Variants in TOP2B observed in about 807,000 individuals in gnomAD.
The protein encoded by TOP2B is DNA topoisomerase II beta.
TOP2B carries 51 observed loss-of-function variants against 193.5 expected under a neutral mutation model. The ratio of observed to expected loss-of-function variants is 0.26; its 90% confidence interval spans 0.21 to 0.33. The LOEUF (loss-of-function observed/expected upper bound fraction) is 0.33. Ranked by LOEUF, TOP2B falls within the 10% of genes least tolerant of loss-of-function variation. The pLI is 1.00. For missense variants in TOP2B, 1,378 were observed against 1,909.3 expected, an observed-to-expected ratio of 0.72 and a Z score of 5.19; for synonymous variants, 634 against 635.7, an observed-to-expected ratio of 1.00 and a Z score of 0.04.
chr3:25,650,010 CT>C (rs1210804357), intron 1 of TOP2B, among the ~76,000 whole-genome samples: 1 of 152,148 alleles, frequency 6.6e-6, no homozygotes, highest in Non-Finnish European at 1.5e-5. Flanking sequence ...CCAATGCAGT[CT>C]TTTTACATTA....
intron 4 of TOP2B, among the ~76,000 whole-genome samples, chr3:25,639,175 G>T (rs1440342366): frequency 6.6e-6 from 1 of 152,080 alleles, no homozygotes; most frequent in Non-Finnish European, 1.5e-5. Flanking sequence ...GTTAAAAAAA[G>T]AAATGTCTAC....
rs1167435143 is a variant in TOP2B at position 25,598,139 on chromosome 3, T to TAAAACTGTATGTGTAA, written c.*152_*167dup. 1 of 640,000 alleles carries TAAAACTGTATGTGTAA rather than the reference T, an allele frequency of 1.6e-6. No homozygotes were observed. The highest frequency in any genetic ancestry group is 3.4e-5 in the Admixed American group (1 of 29,558). The allele number at this position is 640,000 out of a possible 1,614,324, so 39.6% of individuals were successfully genotyped here. A position where few individuals can be genotyped will look rare whatever the true frequency, so the allele number is the denominator to read the frequency against. ...ACATTTCAATGAGTAAAAAAGAGCA[T>TAAAACTGTATGTGTAA]AAAACTGTATGTGTAAGAACAAAAT... On this transcript the variant is annotated 3_prime_UTR_variant, in exon 36 of 36. Transcript: ENST00000264331.
chr3:25,636,215 C>A (rs1703101107), intron 6 of TOP2B, 67 bp from the exon 7 acceptor site: 2 of 963,118 alleles, frequency 2.1e-6, no homozygotes, highest in Non-Finnish European at 3.0e-6. Context: ...AAAGACTACA[C>A]TCATTAAATT....
At chr3:25,656,185 GAA>G (rs1703740826) in intron 1 of TOP2B, among the ~76,000 whole-genome samples, 1 of 152,076 alleles carries the variant, frequency 6.6e-6, no homozygotes, top group African/African-American at 2.4e-5. Flanking sequence ...ATTGAGGAAA[GAA>G]AAAGATATAC....
intron 16 of TOP2B, 45 bp downstream of exon 16, chr3:25,627,142 T>G (rs757866727): frequency 7.5e-7 from 1 of 1,337,924 alleles, no homozygotes. Context: ...GAATAGAAGG[T>G]AGGGGGATGG....
Position 25,599,496 on chromosome 3 carries a change from G to A in TOP2B, c.4649C>T (p.Ser1550Phe). Residue 1550 changes from serine to phenylalanine, a missense_variant, in exon 35 of 36, where the codon TCT becomes TTT. Ser to Phe is a radical substitution (Grantham distance 155). Around this residue, in one of 9 missense-constraint regions of TOP2B, gnomAD observed 556 missense variants for 584.2 expected, o/e 0.95. Coordinates refer to ENST00000264331, the MANE Select transcript of TOP2B (RefSeq NM_001330700.2). ...ATAATCGCCTTCATTTTCAGAGCCA[G>A]ATGCTTTCCTTTTCTTTGCCCCTCG... ...KGRGAKKRKA[S>F]GSENEGDYNP... 6.2e-7 allele frequency: 1 copy of A among 1,613,580 alleles called. No homozygotes were observed. The highest frequency in any genetic ancestry group is 8.5e-7 in the Non-Finnish European group (1 of 1,179,660).
intron 28 of TOP2B, among the ~76,000 whole-genome samples, chr3:25,610,242 G>A (rs1702335025): frequency 1.3e-5 from 2 of 151,782 alleles, no homozygotes; most frequent in South Asian, 4.1e-4. Flanking sequence ...GTCTTGCACT[G>A]CTAGGCACTG....
intron 7 of TOP2B, 56 bp from the exon 8 acceptor site, chr3:25,634,070 G>T (rs1177591082): frequency 9.1e-6 from 12 of 1,319,446 alleles, no homozygotes; most frequent in African/African-American, 3.0e-5. Flanking sequence ...GCTCAAATAG[G>T]TGAATCACCT....
chr3:25,637,719 C>T (rs1226922073), intron 5 of TOP2B, among the ~76,000 whole-genome samples: 1 of 151,922 alleles, frequency 6.6e-6, no homozygotes, highest in Non-Finnish European at 1.5e-5. Flanking sequence ...AAAAACCTAT[C>T]AACCTATTTG....
intron 15 of TOP2B, among the ~76,000 whole-genome samples, chr3:25,627,959 G>A (rs573082604): frequency 1.3e-5 from 2 of 151,772 alleles, no homozygotes; most frequent in South Asian, 4.2e-4. Context: ...TACTTGGGTG[G>A]CTGAAGCATG....
chr3:25,620,101 C>T (rs1478566002), intron 22 of TOP2B, 39 bp from the exon 23 acceptor site: 2 of 1,278,950 alleles, frequency 1.6e-6, no homozygotes, highest in Non-Finnish European at 1.1e-6. Context: ...TTTCATGACA[C>T]ACTCTCATGT....
chr3:25,655,810 T>C (rs987540018), intron 1 of TOP2B, among the ~76,000 whole-genome samples: 2 of 152,186 alleles, frequency 1.3e-5, no homozygotes, highest in African/African-American at 2.4e-5. Context: ...ATTACAATCA[T>C]ATAAAGTATC....
intron 13 of TOP2B, among the ~76,000 whole-genome samples, chr3:25,629,827 C>T (rs1391352085): frequency 6.6e-6 from 1 of 152,106 alleles, no homozygotes; most frequent in African/African-American, 2.4e-5. Context: ...TTATATTCTC[C>T]TTAGTTACCC....
At chr3:25,603,792 C>T (rs1702169866) in intron 33 of TOP2B, among the ~76,000 whole-genome samples, 1 of 152,158 alleles carries the variant, frequency 6.6e-6, no homozygotes, top group East Asian at 1.9e-4. Context: ...AACACACATC[C>T]CACAGTTGGC....
intron 11 of TOP2B, 49 bp from the exon 12 acceptor site, chr3:25,630,518 C>T: frequency 1.4e-6 from 2 of 1,414,146 alleles, no homozygotes; most frequent in Non-Finnish European, 1.9e-6. Flanking sequence ...CATACTTTCA[C>T]TGATGAGAAA....
chr3:25,642,252 G>A lies in TOP2B; in HGVS notation c.395+70C>T, dbSNP rs1023433096. On this transcript the variant is annotated intron_variant, in intron 4 of 35. Coordinates refer to ENST00000264331, the MANE Select transcript of TOP2B (RefSeq NM_001330700.2). ...AGTACTACCCATATACATTATTTGAGGAGTACTCATAAATTGGGGACTATC... is the reference window on the plus strand; with the variant it reads ...AGTACTACCCATATACATTATTTGAAGAGTACTCATAAATTGGGGACTATC... 5.8e-6 allele frequency: 5 copies of A among 860,810 alleles called. No individual in the cohort carries two copies. In the Admixed American group the frequency reaches 7.1e-5, roughly 12 times the overall value. The allele number at this position is 860,810 out of a possible 1,614,324, so 53.3% of individuals were successfully genotyped here.
In TOP2B at chr3:25,632,599, CCAA is replaced by C; in HGVS notation, c.1129-19_1129-17del. ...GGTTTTTTACCTGTTGAAAACATAC[CCAA>C]AAAAGTCAATATCAGAGCTGATATT... On this transcript the variant is annotated splice_polypyrimidine_tract_variant and intron_variant, in intron 9 of 35. Transcript: ENST00000264331. 6.3e-7 allele frequency: 1 copy of C among 1,599,210 alleles called. No individual in the cohort carries two copies. Among genetic ancestry groups the C allele is most frequent in the Non-Finnish European group, 8.5e-7 (1 of 1,175,920 alleles).
At chr3:25,625,258 G>T (rs1294237349) in intron 18 of TOP2B, among the ~76,000 whole-genome samples, 1 of 152,144 alleles carries the variant, frequency 6.6e-6, no homozygotes, top group African/African-American at 2.4e-5. Context: ...AAGAATAAAG[G>T]CTTTAGAATC....
At chr3:25,649,256 A>G (rs2125401440) in intron 1 of TOP2B, among the ~76,000 whole-genome samples, 1 of 152,306 alleles carries the variant, frequency 6.6e-6, no homozygotes, top group South Asian at 2.1e-4. Context: ...ATGGGCCACT[A>G]TCTATCAGAA....
Sources: allele counts gnomAD v4.1 joint callset (sites outside exome capture counted in the v4.1 genomes callset), GRCh38; gene constraint gnomAD v4.1.1; regional missense constraint gnomAD v4.1.1; transcripts MANE v1.5; gene names NCBI Gene and HGNC (gene_info 2026-07-23, HGNC 2026-07-21).